The following MEGF11 variants were observed in gnomAD, a reference collection of about 807,000 sequenced individuals.
MEGF11 encodes multiple epidermal growth factor-like domains protein 11.
A neutral mutation model predicts 146.6 loss-of-function variants in MEGF11; 126 were observed. The observed-to-expected ratio is 0.86, with a 90% CI of 0.74 to 1.00. The LOEUF (loss-of-function observed/expected upper bound fraction) is 1.00. MEGF11 is among the 50% of genes least tolerant of loss of function. The pLI, the probability that MEGF11 is intolerant of heterozygous loss-of-function variation, is 0.00. For missense variants in MEGF11, 1,509 were observed against 1,521.2 expected, an observed-to-expected ratio of 0.99 and a Z score of 0.13; for synonymous variants, 532 against 583.4, an observed-to-expected ratio of 0.91 and a Z score of 1.27.
intron 1 of MEGF11, among the ~76,000 whole-genome samples, chr15:66,181,129 T>A (rs1339066480): frequency 6.6e-6 from 1 of 152,244 alleles, no homozygotes; most frequent in African/African-American, 2.4e-5. Context: ...CAAAGTAACA[T>A]ATTACCTAGG....
chr15:66,197,160 G>C (rs16949650), intron 1 of MEGF11, among the ~76,000 whole-genome samples: 194 of 152,278 alleles, frequency 1.3e-3, no homozygotes, highest in African/African-American at 4.5e-3. Context: ...TCTGATGTGA[G>C]GAAAAAAGGC....
At chr15:66,220,964 G>A (rs923928041) in intron 1 of MEGF11, among the ~76,000 whole-genome samples, 9 of 152,108 alleles carry the variant, frequency 5.9e-5, no homozygotes, top group Admixed American at 3.9e-4. Flanking sequence ...AAAAACTGGG[G>A]AAATGGAAGT....
chr15:66,039,642 C>T (rs2140285171), intron 5 of MEGF11, among the ~76,000 whole-genome samples: 1 of 152,322 alleles, frequency 6.6e-6, no homozygotes, highest in East Asian at 1.9e-4. Context: ...TTTCACCCCT[C>T]CCACCCCTGC....
At chr15:66,117,820 T>C (rs1018377045) in intron 4 of MEGF11, among the ~76,000 whole-genome samples, 1 of 152,204 alleles carries the variant, frequency 6.6e-6, no homozygotes, top group East Asian at 1.9e-4. Context: ...GCCCTGCCCC[T>C]GAGGAACGGC....
intron 5 of MEGF11, among the ~76,000 whole-genome samples, chr15:66,042,621 G>A (rs1379162667): frequency 6.6e-6 from 1 of 152,204 alleles, no homozygotes; most frequent in Non-Finnish European, 1.5e-5. Flanking sequence ...TCCAGAGGTA[G>A]AAGTTCTGAA....
At chr15:66,069,720 T>C (rs919362150) in intron 5 of MEGF11, among the ~76,000 whole-genome samples, 1 of 152,220 alleles carries the variant, frequency 6.6e-6, no homozygotes, top group Non-Finnish European at 1.5e-5. Flanking sequence ...AGGCATTGAA[T>C]ATTTTCCATA....
At chr15:66,168,510 C>T (rs907903766) in intron 1 of MEGF11, among the ~76,000 whole-genome samples, 15 of 152,202 alleles carry the variant, frequency 9.9e-5, no homozygotes, top group African/African-American at 3.6e-4. Context: ...TTACTGAGCA[C>T]TTACAGCTCA....
intron 1 of MEGF11, among the ~76,000 whole-genome samples, chr15:66,130,117 G>A (rs573659146): frequency 6.6e-6 from 1 of 152,250 alleles, no homozygotes; most frequent in East Asian, 1.9e-4. Flanking sequence ...GCAATGCCAG[G>A]GCTGCAGAGG....
intron 20 of MEGF11, 108 bp from the exon 21 acceptor site, chr15:65,912,308 A>C: frequency 1.6e-6 from 1 of 614,284 alleles, no homozygotes. Context: ...CTGCAAAGAC[A>C]AACAGGCAAG....
chr15:66,098,643 C>A (rs943856845), intron 4 of MEGF11, among the ~76,000 whole-genome samples: 1 of 152,166 alleles, frequency 6.6e-6, no homozygotes, highest in Admixed American at 6.5e-5. Flanking sequence ...CCCCAGTGCT[C>A]CAAGGCACAT....
chr15:65,980,653 C>A, intron 7 of MEGF11, 125 bp downstream of exon 7: 1 of 1,323,242 alleles, frequency 7.6e-7, no homozygotes, highest in South Asian at 1.8e-5. Context: ...CGGGCCTCGG[C>A]CTCCCAAAGT....
intron 5 of MEGF11, among the ~76,000 whole-genome samples, chr15:66,071,342 C>T (rs1013890903): frequency 2.0e-5 from 3 of 152,214 alleles, no homozygotes; most frequent in African/African-American, 7.2e-5. Flanking sequence ...CCGTGCCAGC[C>T]TCTGAGGTCA....
chr15:65,916,627 G>A (rs930689725), intron 17 of MEGF11: 20 of 964,752 alleles, frequency 2.1e-5, no homozygotes, highest in Non-Finnish European at 2.4e-5. Flanking sequence ...AGGACTTTGG[G>A]CTTGTCAATC....
At chr15:66,206,928 C>T (rs1297486483) in intron 1 of MEGF11, among the ~76,000 whole-genome samples, 1 of 151,980 alleles carries the variant, frequency 6.6e-6, no homozygotes, top group Non-Finnish European at 1.5e-5. Context: ...ATTTAAAACT[C>T]ACTAGAAGAG....
At chr15:66,235,986 T>A (rs12439257) in intron 1 of MEGF11, among the ~76,000 whole-genome samples, 142,807 of 152,118 alleles carry the variant, frequency 0.94, 67,337 homozygotes, top group Non-Finnish European at 0.98. Context: ...TGAGTGTATT[T>A]GACTATAATA....
At chr15:65,990,506 C>T (rs1412488935) in intron 5 of MEGF11, among the ~76,000 whole-genome samples, 1 of 150,978 alleles carries the variant, frequency 6.6e-6, no homozygotes, top group African/African-American at 2.4e-5. Flanking sequence ...GCTGTGATGG[C>T]GCCACTGTAC....
chr15:66,089,629 G>A (rs117765285), intron 5 of MEGF11, among the ~76,000 whole-genome samples: 72 of 152,228 alleles, frequency 4.7e-4, no homozygotes, highest in South Asian at 1.7e-3. Context: ...CTTGGGCATC[G>A]TTTATAAAAG....
chr15:66,007,000 C>T lies in MEGF11; in HGVS notation c.395-24512G>A, dbSNP rs117427377. Among the ~76,000 whole-genome samples the T allele has an allele frequency of 1.6e-3, 240 of 152,356 alleles. 2 individuals carry two copies. In the East Asian group the frequency reaches 0.04, roughly 26 times the overall value. On this transcript the variant is annotated intron_variant, in intron 5 of 25. Transcript: ENST00000395614. ...ACCTCACCACATTCTTTCTATTAGCCTGGTTTGAATTCTTCCCCTCTTGGC... is the reference window on the plus strand; with the variant it reads ...ACCTCACCACATTCTTTCTATTAGCTTGGTTTGAATTCTTCCCCTCTTGGC...
chr15:66,094,239 T>C (rs930413710), intron 5 of MEGF11, among the ~76,000 whole-genome samples, 163 bp downstream of exon 5: 2 of 152,096 alleles, frequency 1.3e-5, no homozygotes, highest in African/African-American at 4.8e-5. Context: ...TGCCACCATG[T>C]TTTAACTGTA....
Sources: allele counts gnomAD v4.1 joint callset (sites outside exome capture counted in the v4.1 genomes callset), GRCh38; gene constraint gnomAD v4.1.1; transcripts MANE v1.5; gene names NCBI Gene and HGNC (gene_info 2026-07-23, HGNC 2026-07-21).